The following ERBB4 variants were observed in gnomAD, a reference collection of about 807,000 sequenced individuals.
ERBB4 encodes the protein erb-b2 receptor tyrosine kinase 4.
In ERBB4, 42 loss-of-function variants were observed where a neutral mutation model predicts 158.0. That is an observed-to-expected ratio of 0.27 (90% confidence interval 0.21 to 0.34). The LOEUF is 0.34. Ranked by LOEUF, ERBB4 falls within the 10% of genes least tolerant of loss-of-function variation. The pLI is 1.00. For synonymous variants in ERBB4, 583 were observed against 558.7 expected (o/e 1.04, Z -0.61); for missense variants, 1,333 against 1,624.1 (o/e 0.82, Z 3.08).
chr2:211,832,427 T>A (rs2077242037), intron 3 of ERBB4, among the ~76,000 whole-genome samples: 1 of 152,156 alleles, frequency 6.6e-6, no homozygotes, highest in African/African-American at 2.4e-5. Context: ...ATAAAATGAT[T>A]CTATTTATGT....
intron 2 of ERBB4, among the ~76,000 whole-genome samples, chr2:212,104,011 T>C (rs528026285): frequency 1.3e-5 from 2 of 152,218 alleles, no homozygotes; most frequent in African/African-American, 4.8e-5. Flanking sequence ...GGGAAGGAAT[T>C]ACTCAACCAA....
At chr2:212,200,149 C>T (rs1248047152) in intron 1 of ERBB4, among the ~76,000 whole-genome samples, 1 of 152,030 alleles carries the variant, frequency 6.6e-6, no homozygotes, top group African/African-American at 2.4e-5. Flanking sequence ...AACTAAGAAC[C>T]CCTTCTTCCA....
intron 1 of ERBB4, among the ~76,000 whole-genome samples, chr2:212,481,411 G>A (rs961931036): frequency 6.6e-6 from 1 of 152,106 alleles, no homozygotes; most frequent in African/African-American, 2.4e-5. Context: ...TAAACAGAAA[G>A]CACAAAGAGG....
intron 2 of ERBB4, among the ~76,000 whole-genome samples, chr2:212,107,453 G>A (rs920829400): frequency 1.3e-5 from 2 of 152,118 alleles, no homozygotes; most frequent in African/African-American, 4.8e-5. Context: ...TATCCCCATT[G>A]TATCTAGGAA....
chr2:211,461,557 T>C (rs1051286062), intron 20 of ERBB4, among the ~76,000 whole-genome samples: 1 of 152,038 alleles, frequency 6.6e-6, no homozygotes, highest in Non-Finnish European at 1.5e-5. Context: ...TCTAAGAAAA[T>C]ATTTTTTCTA....
At chr2:211,939,240 G>T (rs1344805035) in intron 3 of ERBB4, among the ~76,000 whole-genome samples, 1 of 152,090 alleles carries the variant, frequency 6.6e-6, no homozygotes, top group African/African-American at 2.4e-5. Flanking sequence ...CAATTTTTGG[G>T]AGTGACATAT....
At chr2:212,283,479 A>G (rs1372974824) in intron 1 of ERBB4, among the ~76,000 whole-genome samples, 1 of 152,022 alleles carries the variant, frequency 6.6e-6, no homozygotes, top group East Asian at 1.9e-4. Flanking sequence ...GGCAGAATGC[A>G]AATATCCTGA....
chr2:211,613,819 G>A (rs754781397), intron 19 of ERBB4, among the ~76,000 whole-genome samples: 7 of 152,018 alleles, frequency 4.6e-5, no homozygotes, highest in Admixed American at 6.6e-5. Flanking sequence ...CACTGTTGGT[G>A]CAAATGTATA....
intron 3 of ERBB4, among the ~76,000 whole-genome samples, chr2:211,806,373 C>T (rs1268358048): frequency 6.6e-6 from 1 of 152,010 alleles, no homozygotes; most frequent in Non-Finnish European, 1.5e-5. Context: ...AATTCTAAAC[C>T]CAGTCGCCAT....
At chr2:211,775,610 C>A (rs967066574) in intron 4 of ERBB4, among the ~76,000 whole-genome samples, 1 of 152,140 alleles carries the variant, frequency 6.6e-6, no homozygotes, top group Non-Finnish European at 1.5e-5. Context: ...GCACACTTTC[C>A]AATATGCTTA....
At chr2:211,524,440 C>A (rs1457045032) in intron 20 of ERBB4, among the ~76,000 whole-genome samples, 3 of 147,702 alleles carry the variant, frequency 2.0e-5, no homozygotes, top group African/African-American at 5.4e-5. Flanking sequence ...TGGTGCTCGT[C>A]GGGGAGGCTC....
intron 3 of ERBB4, among the ~76,000 whole-genome samples, chr2:211,861,591 A>G (rs887942486): frequency 6.6e-6 from 1 of 152,042 alleles, no homozygotes; most frequent in Non-Finnish European, 1.5e-5. Flanking sequence ...CTAAAGACTA[A>G]CAATGAATTG....
chr2:211,735,772 G>T (rs1224427432), intron 5 of ERBB4, among the ~76,000 whole-genome samples: 2 of 152,010 alleles, frequency 1.3e-5, no homozygotes, highest in Non-Finnish European at 2.9e-5. Context: ...ATTTAAAAGA[G>T]TTATACCACA....
Position 211,637,033 on chromosome 2 carries a change from C to T in ERBB4, c.1947-6439G>A, listed in dbSNP as rs147411201. 4.6e-3 allele frequency among the ~76,000 whole-genome samples: 696 copies of T among 151,958 alleles called. 10 individuals carry two copies. The highest frequency in any genetic ancestry group is 0.016 in the African/African-American group (664 of 41,524). On this transcript the variant is annotated intron_variant, in intron 16 of 27. Transcript: ENST00000342788. ...GTATATGTAACTTAAATGTATATTT[C>T]ACAAACTAGGGTCAAATGTTACAAT...
At chr2:211,666,933 T>C (rs781178359) in intron 14 of ERBB4, among the ~76,000 whole-genome samples, 1 of 152,082 alleles carries the variant, frequency 6.6e-6, no homozygotes, top group Non-Finnish European at 1.5e-5. Context: ...TAACACTAAG[T>C]TATAAAGAAC....
At chr2:211,644,868 A>T (rs773785834) in intron 16 of ERBB4, among the ~76,000 whole-genome samples, 5 of 151,986 alleles carry the variant, frequency 3.3e-5, no homozygotes, top group Non-Finnish European at 7.4e-5. Flanking sequence ...AAGCTTTCAG[A>T]TTGCATATCT....
intron 3 of ERBB4, among the ~76,000 whole-genome samples, chr2:211,932,153 A>C (rs1382868537): frequency 6.6e-6 from 1 of 152,074 alleles, no homozygotes; most frequent in African/African-American, 2.4e-5. Context: ...CTTCTCATCT[A>C]GAACACATAG....
At chr2:212,407,873 T>C (rs1488281839) in intron 1 of ERBB4, among the ~76,000 whole-genome samples, 1 of 152,030 alleles carries the variant, frequency 6.6e-6, no homozygotes, top group Non-Finnish European at 1.5e-5. Flanking sequence ...TGCTTTGTAT[T>C]GAGAATATGC....
At chr2:211,985,007 T>C (rs1404552039) in intron 2 of ERBB4, among the ~76,000 whole-genome samples, 1 of 152,166 alleles carries the variant, frequency 6.6e-6, no homozygotes, top group Non-Finnish European at 1.5e-5. Context: ...TGGCCTGGCA[T>C]ATAACACTTA....
Sources: allele counts gnomAD v4.1 joint callset (sites outside exome capture counted in the v4.1 genomes callset), GRCh38; gene constraint gnomAD v4.1.1; transcripts MANE v1.5; gene names NCBI Gene and HGNC (gene_info 2026-07-23, HGNC 2026-07-21).